Variants in ZC3H6 observed in about 807,000 individuals in gnomAD.
ZC3H6 encodes zinc finger CCCH domain-containing protein 6.
Under a neutral mutation model 107.7 loss-of-function variants are expected in ZC3H6, and 40 were observed. The observed-to-expected ratio is 0.37, with a 90% confidence interval of 0.29 to 0.48. The LOEUF (loss-of-function observed/expected upper bound fraction) is 0.48. Among genes scored for constraint, ZC3H6 ranks in the 20% least tolerant of loss-of-function variants. The pLI, the probability that ZC3H6 is intolerant of heterozygous loss-of-function variation, is 0.98. For synonymous variants in ZC3H6, 493 were observed against 487.9 expected, an observed-to-expected ratio of 1.01 and a Z score of -0.14; for missense variants, 1,267 against 1,410.4, an observed-to-expected ratio of 0.90 and a Z score of 1.63.
rs1274340478 is a variant in ZC3H6, at chr2:112,338,439, T to C, written c.*5951T>C. 1 of 152,218 alleles carries C rather than the reference T, an allele frequency of 6.6e-6. No individual in the cohort carries two copies. 9.4% of individuals were successfully genotyped at this position (152,218 alleles called of 1,614,324 possible). A position where few individuals can be genotyped will look rare whatever the true frequency, so the allele number is the denominator to read the frequency against. The stretch of plus-strand genomic sequence containing the variant: ...CTTTGGAATAGAACAATCATGCTAC[T>C]GTTAGCAAAATTATTGTAGGCATAA... On this transcript the variant is annotated 3_prime_UTR_variant, in exon 12 of 12. Transcript: ENST00000409871.
rs1686403735 is a variant in ZC3H6 at position 112,275,775 on chromosome 2, T to G, written c.-220T>G. On this transcript the variant is annotated 5_prime_UTR_variant, in exon 1 of 12. Coordinates refer to ENST00000409871, the MANE Select transcript of ZC3H6 (RefSeq NM_198581.3). ...CCGGCAGCGCGGGGCCGTTGCCCAG[T>G]GTTTGCAGTTAGAGCCCCATCTCTC... 2 of 458,202 alleles carry G rather than the reference T, an allele frequency of 4.4e-6. No homozygotes were observed. The highest frequency in any genetic ancestry group is 3.9e-5 in the South Asian group (1 of 25,498). The allele number at this position is 458,202 out of a possible 1,614,324, so 28.4% of individuals were successfully genotyped here.
rs567289472 is a variant in ZC3H6, at chr2:112,333,530, AC to A, written c.*1044del. ...CTGGCATTCTGTAACAGAGGGGATTACCTGGTGTTTTAAGTATTTAATGTCC... is the reference window on the plus strand; with the variant it reads ...CTGGCATTCTGTAACAGAGGGGATTACTGGTGTTTTAAGTATTTAATGTCC... On this transcript the variant is annotated 3_prime_UTR_variant, in exon 12 of 12. Coordinates refer to ENST00000409871, the MANE Select transcript of ZC3H6 (RefSeq NM_198581.3). The A allele has an allele frequency of 7.2e-5, 11 of 152,332 alleles. 1 individual carries two copies. In the East Asian group the frequency reaches 2.1e-3, roughly 29 times the overall value. 9.4% of individuals were successfully genotyped at this position (152,332 alleles called of 1,614,324 possible). A position where few individuals can be genotyped will look rare whatever the true frequency, so the allele number is the denominator to read the frequency against.
rs1646910419 is a variant in ZC3H6 at position 112,334,653 on chromosome 2, T to C, written c.*2165T>C. 1 of 152,600 alleles carries C rather than the reference T, an allele frequency of 6.6e-6. No individual in the cohort carries two copies. Among genetic ancestry groups the C allele is most frequent in the African/African-American group, 2.4e-5 (1 of 41,456 alleles). The allele number at this position is 152,600 out of a possible 1,614,324, so 9.5% of individuals were successfully genotyped here. ...GTTTCAAATTTGACAATATATTTTA[T>C]ATGAAAATGTTTATGTTTAAAATAA... On this transcript the variant is annotated 3_prime_UTR_variant, in exon 12 of 12. Coordinates refer to ENST00000409871, the MANE Select transcript of ZC3H6 (RefSeq NM_198581.3).
chr2:112,277,391 C>CT (rs879896268), intron 1 of ZC3H6, among the ~76,000 whole-genome samples: 155 of 145,214 alleles, frequency 1.1e-3, no homozygotes, highest in Middle Eastern at 3.5e-3. Context: ...GCCTAAAATC[C>CT]TTTTTTTTTT....
chr2:112,328,938 CAAAA>C (rs11317176), intron 11 of ZC3H6, among the ~76,000 whole-genome samples: 2 of 115,220 alleles, frequency 1.7e-5, no homozygotes, highest in African/African-American at 3.0e-5. Flanking sequence ...GACTCTGTCT[CAAAA>C]AAAAAAAAAA....
chr2:112,292,083 A>T (rs1198299212), intron 1 of ZC3H6, among the ~76,000 whole-genome samples: 1 of 151,962 alleles, frequency 6.6e-6, no homozygotes, highest in Non-Finnish European at 1.5e-5. Context: ...ATTTTATTTT[A>T]TTTTTTCTGC....
chr2:112,318,553 A>C (rs2104718290), intron 7 of ZC3H6, among the ~76,000 whole-genome samples: 1 of 152,348 alleles, frequency 6.6e-6, no homozygotes, highest in Middle Eastern at 3.4e-3. Flanking sequence ...AATAAGGGGA[A>C]TGTAATTTAA....
chr2:112,324,430 C>G lies in ZC3H6; in HGVS notation c.1619C>G (p.Thr540Arg). 1 of 1,614,012 alleles carries G rather than the reference C, an allele frequency of 6.2e-7. No individual in the cohort carries two copies. The highest frequency in any genetic ancestry group is 1.3e-5 in the African/African-American group (1 of 75,050). ...NQAGVLVQPD[T>R]SLTPPSMGGA... Reference sequence around the variant, plus strand: ...GCTGGAGTGCTTGTTCAACCAGACACATCTTTGACACCACCAAGTATGGGT... The same window carrying G: ...GCTGGAGTGCTTGTTCAACCAGACAGATCTTTGACACCACCAAGTATGGGT... Residue 540 changes from threonine to arginine, a missense_variant, in exon 10 of 12, where the codon ACA (threonine) becomes AGA (arginine). Thr to Arg is a moderately conservative substitution (Grantham distance 71). Transcript: ENST00000409871.
At position 112,317,322 on chromosome 2, in the gene ZC3H6, T is replaced by A; in HGVS notation, c.966T>A (p.Ile322=). ...QGYCTKGENC[I]YMHNEFPCKF... is the part of the protein sequence containing the mutation. ...ATTGTACCAAAGGAGAGAACTGCAT[T>A]TATATGCATAATATCCTTTATTTAA... The change falls in exon 7 of 12, where the codon ATT becomes ATA. Residue 322 remains isoleucine (I), a synonymous_variant. Transcript: ENST00000409871. 1 of 1,482,286 alleles carries A rather than the reference T, an allele frequency of 6.7e-7. No homozygotes were observed. Among genetic ancestry groups the A allele is most frequent in the Non-Finnish European group, 9.2e-7 (1 of 1,085,952 alleles). 91.8% of individuals were successfully genotyped at this position (1,482,286 alleles called of 1,614,324 possible).
intron 1 of ZC3H6, among the ~76,000 whole-genome samples, chr2:112,291,497 G>A (rs1265747970): frequency 1.3e-5 from 2 of 152,218 alleles, no homozygotes; most frequent in East Asian, 3.9e-4. Flanking sequence ...GCCTCCCAAA[G>A]TGCTGTGATT....
rs749407055 is a variant in ZC3H6 at position 112,311,855 on chromosome 2, C to T, written c.665C>T (p.Pro222Leu). Residue 222 changes from proline to leucine, a missense_variant, in exon 5 of 12, where the codon CCG (proline) becomes CTG (leucine). Physicochemically the swap from Pro to Leu is moderately conservative, Grantham distance 98. Coordinates refer to ENST00000409871, the MANE Select transcript of ZC3H6 (RefSeq NM_198581.3). ...AATGTTGGTCGTGGACGTGGCTTGC[C>T]GAAGAAAATCAAACGAAAAGAACGT... ...SFNVGRGRGLPKKIKRKERGG... is the reference protein window; with the variant it reads ...SFNVGRGRGLLKKIKRKERGG... 54 of 1,612,950 alleles carry T rather than the reference C, an allele frequency of 3.3e-5. No homozygotes were observed. The highest frequency in any genetic ancestry group is 9.4e-5 in the African/African-American group (7 of 74,794).
At chr2:112,289,322 C>CTTTTTTT (rs1228912169) in intron 1 of ZC3H6, among the ~76,000 whole-genome samples, 1 of 65,458 alleles carries the variant, frequency 1.5e-5, no homozygotes, top group African/African-American at 5.2e-5. Context: ...TTTTCTTTTT[C>CTTTTTTT]TTTTTTTTTT....
intron 8 of ZC3H6, 79 bp downstream of exon 8, chr2:112,321,944 TA>T (rs1676808609): frequency 1.7e-6 from 1 of 594,514 alleles, no homozygotes. Flanking sequence ...AGTGATATTT[TA>T]TGAAACTGCT....
At position 112,339,906 on chromosome 2, in the gene ZC3H6, G is replaced by A. The variant is rs1027270615; in HGVS notation, c.*7418G>A. 6.6e-6 allele frequency: 1 copy of A among 152,072 alleles called. No individual in the cohort carries two copies. The highest frequency in any genetic ancestry group is 2.4e-5 in the African/African-American group (1 of 41,414). 9.4% of individuals were successfully genotyped at this position (152,072 alleles called of 1,614,324 possible). On this transcript the variant is annotated 3_prime_UTR_variant, in exon 12 of 12. Transcript: ENST00000409871. ...CTGAACTGATAAATTATTCTATTAA[G>A]GACTAACCCAGTACTTGGCAAAATT...
intron 2 of ZC3H6, 71 bp from the exon 3 acceptor site, chr2:112,303,158 G>C: frequency 6.5e-7 from 1 of 1,542,868 alleles, no homozygotes; most frequent in Non-Finnish European, 8.7e-7. Context: ...GCTGAAACAA[G>C]CTTATCTAAT....
chr2:112,310,743 T>C (rs1450260262), intron 4 of ZC3H6, among the ~76,000 whole-genome samples: 2 of 152,190 alleles, frequency 1.3e-5, no homozygotes, highest in Non-Finnish European at 2.9e-5. Flanking sequence ...CCTTAAGTAT[T>C]GGCTAGTCAA....
Position 112,322,749 on chromosome 2 carries a change from T to C in ZC3H6, c.1187T>C (p.Val396Ala). 6.2e-7 allele frequency: 1 copy of C among 1,613,208 alleles called. No homozygotes were observed. The highest frequency in any genetic ancestry group is 8.5e-7 in the Non-Finnish European group (1 of 1,179,706). Residue 396 changes from valine (V) to alanine (A), a missense_variant, in exon 9 of 12, where the codon GTT becomes GCT. This residue lies in a region of ZC3H6 where 925 missense variants were observed against 1,025.7 expected (regional missense o/e 0.90). Coordinates refer to ENST00000409871, the MANE Select transcript of ZC3H6 (RefSeq NM_198581.3). ...CCTCTTCCCAAACCACCTCCAGGGG[T>C]TGGGCTTCTGCCAACCCCTCCAGAG... ...ITPLPKPPPG[V>A]GLLPTPPEHF...
chr2:112,290,264 G>A (rs142067918), intron 1 of ZC3H6, among the ~76,000 whole-genome samples: 414 of 152,288 alleles, frequency 2.7e-3, no homozygotes, highest in Middle Eastern at 0.014. Context: ...CACTGGCCTT[G>A]TCTCAGTTCC....
In ZC3H6 at chr2:112,334,863, A is replaced by G. The variant is rs1325986349; in HGVS notation, c.*2375A>G. ...AATTGGTGTTTTTAGAATCCATGTA[A>G]TTTGATTTGCACTGTTAGATTGAAA... On this transcript the variant is annotated 3_prime_UTR_variant, in exon 12 of 12. Transcript: ENST00000409871. 1 of 152,510 alleles carries G rather than the reference A, an allele frequency of 6.6e-6. No individual in the cohort carries two copies. Among genetic ancestry groups the G allele is most frequent in the Non-Finnish European group, 1.5e-5 (1 of 68,006 alleles). 9.4% of individuals were successfully genotyped at this position (152,510 alleles called of 1,614,324 possible). A position where few individuals can be genotyped will look rare whatever the true frequency, so the allele number is the denominator to read the frequency against.
Sources: gnomAD v4.1 joint callset for allele counts (sites outside exome capture counted in the v4.1 genomes callset) on GRCh38, gnomAD v4.1.1 for gene constraint, gnomAD v4.1.1 regional missense constraint, MANE v1.5 for transcripts, NCBI Gene and HGNC (gene_info 2026-07-23, HGNC 2026-07-21) for gene names.